PRKG1: variants seen among roughly 807,000 people sequenced by gnomAD.
PRKG1 encodes the protein cGMP-dependent protein kinase 1.
In PRKG1, 35 loss-of-function variants were observed where a neutral mutation model predicts 88.1. That is an observed-to-expected ratio of 0.40 (90% confidence interval 0.30 to 0.53). The LOEUF (loss-of-function observed/expected upper bound fraction) is 0.53, where lower values mean the gene tolerates loss of function less well. Ranked by LOEUF, PRKG1 falls within the 20% of genes least tolerant of loss-of-function variation. The pLI, the probability that PRKG1 is intolerant of heterozygous loss-of-function variation, is 0.59. For missense variants in PRKG1, 540 were observed against 839.8 expected (o/e 0.64, Z 4.41); for synonymous variants, 303 against 292.5 (o/e 1.04, Z -0.37).
intron 3 of PRKG1, among the ~76,000 whole-genome samples, chr10:51,624,903 G>A (rs1839296237): frequency 6.6e-6 from 1 of 152,176 alleles, no homozygotes; most frequent in Admixed American, 6.5e-5. Context: ...ATCAGAGGCT[G>A]GGGAGGGAAG....
intron 2 of PRKG1, among the ~76,000 whole-genome samples, chr10:51,183,968 T>C (rs1837417737): frequency 1.3e-5 from 2 of 152,180 alleles, no homozygotes. Flanking sequence ...AACCTCATTA[T>C]CTTTTCCACC....
At chr10:51,212,075 G>C (rs904781211) in intron 2 of PRKG1, among the ~76,000 whole-genome samples, 1 of 152,034 alleles carries the variant, frequency 6.6e-6, no homozygotes, top group African/African-American at 2.4e-5. Flanking sequence ...ATACTACAAG[G>C]CTACAGTAAC....
At chr10:51,419,769 A>C (rs2132704351) in intron 2 of PRKG1, among the ~76,000 whole-genome samples, 1 of 151,982 alleles carries the variant, frequency 6.6e-6, no homozygotes, top group Non-Finnish European at 1.5e-5. Context: ...TAGATTTAAG[A>C]TTAATCGAGT....
intron 3 of PRKG1, among the ~76,000 whole-genome samples, chr10:51,721,717 A>G (rs10823461): frequency 0.44 from 67,196 of 151,954 alleles, 15,473 homozygotes; most frequent in Middle Eastern, 0.57. Flanking sequence ...TATAGAGGAT[A>G]TTATTATCAT....
At position 52,293,939 on chromosome 10, in the gene PRKG1, C is replaced by T; in HGVS notation, c.*39C>T. Reference sequence around the variant, plus strand: ...CCTGCTTCTGCCTTGCTGAAGACAGCTTTTTCTGAGACACAGCTGCCAGCA... The same window carrying T: ...CCTGCTTCTGCCTTGCTGAAGACAGTTTTTTCTGAGACACAGCTGCCAGCA... On this transcript the variant is annotated 3_prime_UTR_variant, in exon 18 of 18. Coordinates refer to ENST00000373980, the MANE Select transcript of PRKG1 (RefSeq NM_006258.4). The T allele has an allele frequency of 1.3e-6, 2 of 1,537,588 alleles. No individual in the cohort carries two copies. Among genetic ancestry groups the T allele is most frequent in the Non-Finnish European group, 1.8e-6 (2 of 1,115,158 alleles).
At chr10:51,791,903 C>T (rs1019041056) in intron 3 of PRKG1, among the ~76,000 whole-genome samples, 1 of 152,084 alleles carries the variant, frequency 6.6e-6, no homozygotes, top group African/African-American at 2.4e-5. Context: ...ACTATGCATT[C>T]AGTCCATTGA....
At chr10:51,856,298 G>T (rs1233179891) in intron 4 of PRKG1, among the ~76,000 whole-genome samples, 6 of 152,152 alleles carry the variant, frequency 3.9e-5, no homozygotes, top group African/African-American at 1.4e-4. Context: ...GGACATCTTT[G>T]GGAGGCCATT....
At chr10:51,565,599 A>G (rs959597490) in intron 3 of PRKG1, among the ~76,000 whole-genome samples, 1 of 152,110 alleles carries the variant, frequency 6.6e-6, no homozygotes, top group Admixed American at 6.6e-5. Flanking sequence ...CAATTTAAGT[A>G]TTAAAGTGGA....
In PRKG1 at chr10:51,595,894, G is replaced by T. The variant is rs373240334; in HGVS notation, c.592+128058G>T. Among the ~76,000 whole-genome samples, 46 of 152,072 alleles carry T rather than the reference G, an allele frequency of 3.0e-4. No homozygotes were observed. The South Asian group carries it at 8.7e-3, about 29-fold the overall frequency. Reference sequence around the variant, plus strand: ...CTGTCACCCAGGCTGGAGTGCAGTGGCAGGATCTTGGCTCACTGCAACCTC... The same window carrying T: ...CTGTCACCCAGGCTGGAGTGCAGTGTCAGGATCTTGGCTCACTGCAACCTC... On this transcript the variant is annotated intron_variant, in intron 3 of 17. Coordinates refer to ENST00000373980, the MANE Select transcript of PRKG1 (RefSeq NM_006258.4).
At chr10:51,393,415 G>T (rs1480867971) in intron 2 of PRKG1, among the ~76,000 whole-genome samples, 1 of 149,476 alleles carries the variant, frequency 6.7e-6, no homozygotes, top group Non-Finnish European at 1.5e-5. Flanking sequence ...ACTCCCAGAC[G>T]ATGGGCGGCC....
intron 5 of PRKG1, among the ~76,000 whole-genome samples, chr10:51,931,685 G>T (rs902322391): frequency 1.3e-5 from 2 of 152,136 alleles, no homozygotes; most frequent in Admixed American, 1.3e-4. Flanking sequence ...ACTAGGGCAA[G>T]TATAATTCAA....
At chr10:51,250,312 A>G (rs756427220) in intron 2 of PRKG1, among the ~76,000 whole-genome samples, 3 of 151,940 alleles carry the variant, frequency 2.0e-5, no homozygotes, top group Non-Finnish European at 4.4e-5. Context: ...CAACGTATCA[A>G]TTTATGACAT....
chr10:51,094,773 A>G (rs1436403388), intron 1 of PRKG1, among the ~76,000 whole-genome samples: 1 of 152,154 alleles, frequency 6.6e-6, no homozygotes, highest in Non-Finnish European at 1.5e-5. Context: ...CAAACGTACA[A>G]AGCTTTGGTG....
At chr10:51,029,651 G>T (rs878931272) in intron 1 of PRKG1, among the ~76,000 whole-genome samples, 3 of 152,264 alleles carry the variant, frequency 2.0e-5, no homozygotes, top group Admixed American at 2.0e-4. Flanking sequence ...ACTCTGACAT[G>T]AGCAAGTTGT....
intron 3 of PRKG1, among the ~76,000 whole-genome samples, chr10:51,611,968 G>T (rs1415585579): frequency 2.0e-5 from 3 of 151,806 alleles, no homozygotes. Context: ...TTTATTTCTT[G>T]GTTTTCTACT....
chr10:51,264,287 A>G (rs1839786600), intron 2 of PRKG1, among the ~76,000 whole-genome samples: 1 of 152,214 alleles, frequency 6.6e-6, no homozygotes, highest in Non-Finnish European at 1.5e-5. Flanking sequence ...AGTATGCTCC[A>G]GGAACTTTAA....
chr10:51,934,992 G>A (rs1417951634), intron 5 of PRKG1, among the ~76,000 whole-genome samples: 1 of 152,100 alleles, frequency 6.6e-6, no homozygotes, highest in African/African-American at 2.4e-5. Flanking sequence ...CTTTCTATCT[G>A]CCTCTAGCCT....
intron 1 of PRKG1, among the ~76,000 whole-genome samples, chr10:51,055,587 A>G (rs1428120734): frequency 6.6e-6 from 1 of 151,910 alleles, no homozygotes; most frequent in African/African-American, 2.4e-5. Flanking sequence ...CAAAAAAAAA[A>G]AATTAGCTGG....
intron 7 of PRKG1, among the ~76,000 whole-genome samples, chr10:52,109,768 A>AATAAGAAAT (rs1564472631): frequency 5.3e-5 from 8 of 152,106 alleles, no homozygotes; most frequent in African/African-American, 1.4e-4. Context: ...ATCTCAAAAA[A>AATAAGAAAT]AAATCTTATC....
Sources: gnomAD v4.1 joint callset for allele counts (sites outside exome capture counted in the v4.1 genomes callset) on GRCh38, gnomAD v4.1.1 for gene constraint, MANE v1.5 for transcripts, NCBI Gene and HGNC (gene_info 2026-07-23, HGNC 2026-07-21) for gene names.